Variants in DNAH7 observed in about 807,000 individuals in gnomAD.
DNAH7 encodes the protein axonemal beta dynein heavy chain 7.
A neutral mutation model predicts 444.6 loss-of-function variants in DNAH7; 397 were observed. That is an observed-to-expected ratio of 0.89 (90% CI 0.82 to 0.97). DNAH7 has a LOEUF of 0.97. Among genes scored for constraint, DNAH7 ranks in the 50% least tolerant of loss-of-function variants. The pLI, the probability that DNAH7 is intolerant of heterozygous loss-of-function variation, is 0.00. For synonymous variants in DNAH7, 1,636 were observed against 1,624.4 expected (o/e 1.01, Z -0.17); for missense variants, 4,902 against 4,800.8 (o/e 1.02, Z -0.62).
Position 196,024,520 on chromosome 2 carries a change from A to T in DNAH7, c.668-16T>A. On this transcript the variant is annotated splice_polypyrimidine_tract_variant and intron_variant, in intron 7 of 64. Transcript: ENST00000312428. ...ACAAAATCAACTAAAAGAAAATTTTAAAATTCTGATAAATAACCTTATATT... is the reference window on the plus strand; with the variant it reads ...ACAAAATCAACTAAAAGAAAATTTTTAAATTCTGATAAATAACCTTATATT... The T allele has an allele frequency of 6.7e-7, 1 of 1,484,696 alleles. No homozygotes were observed. Among genetic ancestry groups the T allele is most frequent in the Non-Finnish European group, 9.1e-7 (1 of 1,096,118 alleles). 92.0% of individuals were successfully genotyped at this position (1,484,696 alleles called of 1,614,324 possible).
intron 61 of DNAH7, among the ~76,000 whole-genome samples, 178 bp from the exon 62 acceptor site, chr2:195,756,463 G>A (rs1334283336): frequency 6.6e-6 from 1 of 151,890 alleles, no homozygotes; most frequent in African/African-American, 2.4e-5. Context: ...AGTAGGCCAG[G>A]GAGTCTTTGA....
At chr2:195,929,655 T>C (rs1410729576) in intron 21 of DNAH7, among the ~76,000 whole-genome samples, 1 of 152,186 alleles carries the variant, frequency 6.6e-6, no homozygotes, top group Non-Finnish European at 1.5e-5. Flanking sequence ...GGTGCTTAAA[T>C]AGCTGGCTAG....
At chr2:195,937,442 T>C (rs1176479441) in intron 19 of DNAH7, among the ~76,000 whole-genome samples, 1 of 152,210 alleles carries the variant, frequency 6.6e-6, no homozygotes, top group East Asian at 1.9e-4. Flanking sequence ...AAAGTGTCAC[T>C]GTGAGCTGTT....
chr2:195,986,256 C>T (rs1298925596), intron 14 of DNAH7, among the ~76,000 whole-genome samples: 1 of 152,182 alleles, frequency 6.6e-6, no homozygotes, highest in Admixed American at 6.6e-5. Flanking sequence ...ATTTCTCCTT[C>T]TACATTGTAA....
Position 195,817,924 on chromosome 2 carries a change from T to C in DNAH7, c.9292-95A>G, listed in dbSNP as rs1697300033. 4 of 883,928 alleles carry C rather than the reference T, an allele frequency of 4.5e-6. No homozygotes were observed. The South Asian group carries it at 5.9e-5, about 13-fold the overall frequency. The allele number at this position is 883,928 out of a possible 1,614,324, so 54.8% of individuals were successfully genotyped here. On this transcript the variant is annotated intron_variant, in intron 49 of 64. Transcript: ENST00000312428. ...AGTTCTGCCCTTAAAATAGACTCTA[T>C]TTACTATATATGGTAGTACTTGTGA...
In DNAH7 at chr2:195,816,905, T is replaced by C. The variant is rs750102009; in HGVS notation, c.9484A>G (p.Ile3162Val). ...LEVLSSSEGN[I>V]LEDETAIKIL... ...TTAATAGCAGTTTCATCTTCTAATA[T>C]ATTGCCTTCCGAAGATGAAAGAACT... The change falls in exon 51 of 65, where the codon ATA becomes GTA. Residue 3162 changes from isoleucine to valine, a missense_variant. Physicochemically the swap from Ile to Val is conservative, Grantham distance 29. Coordinates refer to ENST00000312428, the MANE Select transcript of DNAH7 (RefSeq NM_018897.3). The C allele has an allele frequency of 4.3e-6, 7 of 1,613,052 alleles. No individual in the cohort carries two copies. The highest frequency in any genetic ancestry group is 5.9e-6 in the Non-Finnish European group (7 of 1,179,550).
At chr2:195,791,032 CAT>C (rs1278064603) in intron 57 of DNAH7, among the ~76,000 whole-genome samples, 11 of 152,246 alleles carry the variant, frequency 7.2e-5, no homozygotes, top group Admixed American at 5.2e-4. Flanking sequence ...GGGCAGAAGA[CAT>C]GAACAGACAC....
At chr2:195,890,864 G>A (rs1202423979) in intron 31 of DNAH7, among the ~76,000 whole-genome samples, 1 of 152,130 alleles carries the variant, frequency 6.6e-6, no homozygotes, top group African/African-American at 2.4e-5. Flanking sequence ...ATCAAGTTTA[G>A]AATGTATGGT....
intron 17 of DNAH7, among the ~76,000 whole-genome samples, chr2:195,967,830 G>A (rs1559284860): frequency 6.6e-6 from 1 of 152,124 alleles, no homozygotes; most frequent in African/African-American, 2.4e-5. Flanking sequence ...TCTTCTTTGG[G>A]TTAAATTTGC....
intron 51 of DNAH7, among the ~76,000 whole-genome samples, chr2:195,815,917 C>T (rs1029605142): frequency 2.6e-5 from 4 of 152,098 alleles, no homozygotes; most frequent in Admixed American, 6.6e-5. Context: ...GGTGTGAACC[C>T]GGGAGGCGGA....
chr2:195,950,879 A>AAC (rs1559262968), intron 19 of DNAH7, among the ~76,000 whole-genome samples: 1 of 145,182 alleles, frequency 6.9e-6, no homozygotes, highest in East Asian at 2.0e-4. Flanking sequence ...AAAAAAAAAA[A>AAC]CCCAGCTCCT....
At chr2:195,982,639 A>G (rs1692650592) in intron 15 of DNAH7, among the ~76,000 whole-genome samples, 2 of 152,256 alleles carry the variant, frequency 1.3e-5, no homozygotes, top group African/African-American at 4.8e-5. Flanking sequence ...AGTACTATTC[A>G]GTTATAAAAA....
At position 195,756,991 on chromosome 2, in the gene DNAH7, C is replaced by CA. The variant is rs113147791; in HGVS notation, c.11434-707dup. Among the ~76,000 whole-genome samples the CA allele has an allele frequency of 4.6e-3, 621 of 133,794 alleles. 1 individual carries two copies. Among genetic ancestry groups the CA allele is most frequent in the African/African-American group, 0.012 (428 of 36,476 alleles). 87.8% of individuals were successfully genotyped at this position (133,794 alleles called of 152,430 possible). A position where few individuals can be genotyped will look rare whatever the true frequency, so the allele number is the denominator to read the frequency against. On this transcript the variant is annotated intron_variant, in intron 61 of 64. Coordinates refer to ENST00000312428, the MANE Select transcript of DNAH7 (RefSeq NM_018897.3). ...TGGGTGACAAAGTGAGACCCTGTCT[C>CA]AAAAAAAAAAAAAAGTTGTAGAGAT...
rs766551779 is a variant in DNAH7 at position 195,771,724 on chromosome 2, C to T, written c.11369G>A (p.Gly3790Glu). Residue 3790 changes from glycine to glutamate, a missense_variant, in exon 61 of 65, where the codon GGA becomes GAA. By Grantham distance (98) the Gly-to-Glu change is moderately conservative. Coordinates refer to ENST00000312428, the MANE Select transcript of DNAH7 (RefSeq NM_018897.3). ...SMNTVLVQEM[G>E]RFNKLLKTIR... ...GGTCTTCAGTAACTTATTGAACCGT[C>T]CCATCTCTTGGACAAGTACAGTGTT... is the stretch of plus-strand genomic sequence containing the variant. 3 of 1,614,072 alleles carry T rather than the reference C, an allele frequency of 1.9e-6. No homozygotes were observed. The Admixed American group carries it at 5.0e-5, about 27-fold the overall frequency.
chr2:195,810,779 A>G (rs980640597), intron 51 of DNAH7, among the ~76,000 whole-genome samples: 1 of 152,322 alleles, frequency 6.6e-6, no homozygotes, highest in Non-Finnish European at 1.5e-5. Flanking sequence ...AAGCCTTGGC[A>G]ATAGTTGCTA....
At chr2:195,739,186 T>C (rs1197221016) in intron 64 of DNAH7, among the ~76,000 whole-genome samples, 2 of 152,242 alleles carry the variant, frequency 1.3e-5, no homozygotes, top group Non-Finnish European at 2.9e-5. Context: ...AAAGACTAAA[T>C]TTCGATCAGC....
intron 47 of DNAH7, among the ~76,000 whole-genome samples, chr2:195,841,579 A>G (rs1698687336): frequency 6.6e-6 from 1 of 151,994 alleles, no homozygotes; most frequent in South Asian, 2.1e-4. Flanking sequence ...CAACAAACTG[A>G]TTTAAATAAC....
At chr2:195,945,267 CT>C (rs1021059737) in intron 19 of DNAH7, among the ~76,000 whole-genome samples, 5 of 152,084 alleles carry the variant, frequency 3.3e-5, no homozygotes, top group Admixed American at 1.3e-4. Flanking sequence ...TAAGAACTGA[CT>C]TTTCAGGATT....
intron 1 of DNAH7, among the ~76,000 whole-genome samples, chr2:196,067,363 T>G (rs1203869715): frequency 1.3e-5 from 2 of 152,218 alleles, no homozygotes; most frequent in Non-Finnish European, 2.9e-5. Context: ...CAGTAACAAA[T>G]GTTATTTTTT....
Sources: allele counts gnomAD v4.1 joint callset (sites outside exome capture counted in the v4.1 genomes callset), GRCh38; gene constraint gnomAD v4.1.1; transcripts MANE v1.5; gene names NCBI Gene and HGNC (gene_info 2026-07-23, HGNC 2026-07-21).